The following LRBA variants were observed in gnomAD, a reference collection of about 807,000 sequenced individuals.
The protein encoded by LRBA is LPS responsive beige-like anchor protein.
LRBA carries 176 observed loss-of-function variants against 330.0 expected under a neutral mutation model. The observed-to-expected ratio is 0.53, with a 90% CI of 0.47 to 0.60. The LOEUF (loss-of-function observed/expected upper bound fraction) is 0.60. LRBA is among the 20% of genes least tolerant of loss of function. The pLI, the probability that LRBA is intolerant of heterozygous loss-of-function variation, is 0.00. For missense variants in LRBA, 3,259 were observed against 3,444.8 expected, an observed-to-expected ratio of 0.95 and a Z score of 1.35; for synonymous variants, 1,230 against 1,193.0, an observed-to-expected ratio of 1.03 and a Z score of -0.64.
chr4:150,623,708 T>C (rs1776541352), intron 37 of LRBA, among the ~76,000 whole-genome samples: 1 of 152,086 alleles, frequency 6.6e-6, no homozygotes, highest in Admixed American at 6.5e-5. Context: ...TGCATTTCTA[T>C]ATACCCCTTA....
intron 48 of LRBA, among the ~76,000 whole-genome samples, chr4:150,346,785 A>AC (rs1736411081): frequency 7.8e-6 from 1 of 127,780 alleles, no homozygotes; most frequent in Admixed American, 7.9e-5. Context: ...AAAAAAAAAA[A>AC]AACACTTATT....
At chr4:150,425,330 C>CAG (rs1749429322) in intron 46 of LRBA, among the ~76,000 whole-genome samples, 1 of 152,180 alleles carries the variant, frequency 6.6e-6, no homozygotes, top group Admixed American at 6.5e-5. Context: ...TGACAGAAGA[C>CAG]AGATACATTT....
chr4:150,439,364 C>A (rs74961709), intron 44 of LRBA, among the ~76,000 whole-genome samples: 11,042 of 152,076 alleles, frequency 0.073, 797 homozygotes, highest in East Asian at 0.24. Context: ...TTGCAGAGAT[C>A]CATATTGGTA....
At chr4:150,544,026 C>T (rs1765586968) in intron 40 of LRBA, among the ~76,000 whole-genome samples, 1 of 152,170 alleles carries the variant, frequency 6.6e-6, no homozygotes, top group African/African-American at 2.4e-5. Context: ...GTAGTCTCCA[C>T]TGTCCTTAGA....
chr4:150,943,199 T>C (rs574925105), intron 2 of LRBA, among the ~76,000 whole-genome samples: 44 of 152,354 alleles, frequency 2.9e-4, no homozygotes, highest in African/African-American at 1.0e-3. Flanking sequence ...AGAGCTTTAA[T>C]ATGCAACTGT....
At chr4:150,788,962 T>C (rs1739496367) in intron 34 of LRBA, among the ~76,000 whole-genome samples, 1 of 151,130 alleles carries the variant, frequency 6.6e-6, no homozygotes, top group South Asian at 2.1e-4. Context: ...TAATCCCAGC[T>C]ACTCGGAAGG....
intron 26 of LRBA, among the ~76,000 whole-genome samples, chr4:150,846,256 G>A (rs1050905126): frequency 6.6e-6 from 1 of 151,982 alleles, no homozygotes; most frequent in African/African-American, 2.4e-5. Context: ...TCAGGCCAGC[G>A]GTGGGGGCTC....
chr4:150,920,161 C>T lies in LRBA; in HGVS notation c.645+1037G>A, dbSNP rs577155603. Among the ~76,000 whole-genome samples the T allele has an allele frequency of 2.0e-5, 3 of 152,146 alleles. No individual in the cohort carries two copies. The South Asian group carries it at 6.2e-4, about 32-fold the overall frequency. On this transcript the variant is annotated intron_variant, in intron 5 of 56. Coordinates refer to ENST00000651943, the MANE Select transcript of LRBA (RefSeq NM_001364905.1). ...TCTTTCTGCAGATACTGCCAGGCTA[C>T]ACAGGGCCTAATATAAGATTTTATG...
In LRBA at chr4:150,955,585, T is replaced by A. The variant is rs961569082; in HGVS notation, c.217-26520A>T. Reference sequence around the variant, plus strand: ...CTGGGCAACACAAGGCAAACCCCCATCTCAATAATAATAATAATGACGTAG... The same window carrying A: ...CTGGGCAACACAAGGCAAACCCCCAACTCAATAATAATAATAATGACGTAG... On this transcript the variant is annotated intron_variant, in intron 2 of 56. Coordinates refer to ENST00000651943, the MANE Select transcript of LRBA (RefSeq NM_001364905.1). Among the ~76,000 whole-genome samples, 61 of 147,674 alleles carry A rather than the reference T, an allele frequency of 4.1e-4. 11 individuals carry two copies. The highest frequency in any genetic ancestry group is 1.4e-3 in the African/African-American group (54 of 37,584).
chr4:150,749,387 T>C (rs534016173), intron 35 of LRBA, among the ~76,000 whole-genome samples: 7 of 152,158 alleles, frequency 4.6e-5, no homozygotes, highest in South Asian at 2.1e-4. Context: ...CTGGGCAACA[T>C]AGAGAGACTC....
At chr4:150,688,191 C>A (rs1457447728) in intron 36 of LRBA, among the ~76,000 whole-genome samples, 2 of 152,122 alleles carry the variant, frequency 1.3e-5, no homozygotes, top group Non-Finnish European at 2.9e-5. Flanking sequence ...CTGACAAAAA[C>A]AAGAAATGGG....
At chr4:150,928,745 T>C in intron 3 of LRBA, 89 bp downstream of exon 3, 1 of 1,310,742 alleles carries the variant, frequency 7.6e-7, no homozygotes, top group Non-Finnish European at 1.1e-6. Flanking sequence ...AAATATTTCT[T>C]AAATATTGCT....
intron 40 of LRBA, among the ~76,000 whole-genome samples, chr4:150,559,898 T>TAA (rs1422964169): frequency 0.064 from 2,818 of 43,806 alleles, 75 homozygotes; most frequent in East Asian, 0.16. Context: ...TATATAATTA[T>TAA]ATATAATTAT....
At chr4:150,903,390 G>A (rs1340103629) in intron 13 of LRBA, among the ~76,000 whole-genome samples, 1 of 152,010 alleles carries the variant, frequency 6.6e-6, no homozygotes, top group Non-Finnish European at 1.5e-5. Flanking sequence ...GTTAGACAAA[G>A]AAATGGAAAA....
chr4:150,906,475 G>C, intron 11 of LRBA, 70 bp from the exon 12 acceptor site: 6 of 813,990 alleles, frequency 7.4e-6, no homozygotes, highest in Non-Finnish European at 1.2e-5. Flanking sequence ...TTAGATAGAT[G>C]TAACCCTTCC....
intron 37 of LRBA, among the ~76,000 whole-genome samples, chr4:150,636,062 T>C (rs1777870469): frequency 6.6e-6 from 1 of 152,104 alleles, no homozygotes; most frequent in Non-Finnish European, 1.5e-5. Flanking sequence ...TATGATCTTC[T>C]TAATAGATAT....
chr4:150,760,955 T>G (rs1445029622), intron 35 of LRBA, among the ~76,000 whole-genome samples: 1 of 152,172 alleles, frequency 6.6e-6, no homozygotes, highest in African/African-American at 2.4e-5. Flanking sequence ...AAACCTTGAT[T>G]CCTAGATGCA....
intron 37 of LRBA, among the ~76,000 whole-genome samples, chr4:150,675,934 G>A (rs1782510169): frequency 6.6e-6 from 1 of 151,974 alleles, no homozygotes; most frequent in African/African-American, 2.4e-5. Context: ...CACAATCTTA[G>A]AGGTGAAGAG....
intron 2 of LRBA, among the ~76,000 whole-genome samples, chr4:150,969,781 T>C (rs1319068745): frequency 6.6e-6 from 1 of 152,178 alleles, no homozygotes; most frequent in Non-Finnish European, 1.5e-5. Flanking sequence ...AAGCGGTTTC[T>C]TGAGATGGAA....
Sources: allele counts gnomAD v4.1 joint callset (sites outside exome capture counted in the v4.1 genomes callset), GRCh38; gene constraint gnomAD v4.1.1; transcripts MANE v1.5; gene names NCBI Gene and HGNC (gene_info 2026-07-23, HGNC 2026-07-21).